Variants in PI4KA observed in about 807,000 individuals in gnomAD.
The protein encoded by PI4KA is PI4-kinase alpha.
A neutral mutation model predicts 271.4 loss-of-function variants in PI4KA; 122 were observed. The observed-to-expected ratio is 0.45, with a 90% confidence interval of 0.39 to 0.52. The LOEUF (loss-of-function observed/expected upper bound fraction) is 0.52. Among genes scored for constraint, PI4KA ranks in the 20% least tolerant of loss-of-function variants. PI4KA has a pLI of 0.00. For missense variants in PI4KA, 1,969 were observed against 2,769.1 expected (o/e 0.71, Z 6.48); for synonymous variants, 1,041 against 1,078.8 (o/e 0.96, Z 0.69).
At chr22:20,817,041 T>C (rs1351473204) in intron 7 of PI4KA, among the ~76,000 whole-genome samples, 1 of 152,062 alleles carries the variant, frequency 6.6e-6, no homozygotes, top group Non-Finnish European at 1.5e-5. Context: ...AAACAAGGAG[T>C]TGTCTCTAAG....
intron 19 of PI4KA, among the ~76,000 whole-genome samples, chr22:20,785,234 TAATTAA>T (rs545004863): frequency 1.8e-3 from 276 of 152,242 alleles, no homozygotes; most frequent in African/African-American, 6.6e-3. Flanking sequence ...CATGCCCAGC[TAATTAA>T]ACTTTTTTTG....
intron 45 of PI4KA, among the ~76,000 whole-genome samples, chr22:20,717,304 T>C (rs1339059921): frequency 2.0e-5 from 3 of 152,142 alleles, no homozygotes; most frequent in African/African-American, 4.8e-5. Context: ...CGACTTCCCA[T>C]GGAGGCGGTG....
In PI4KA at chr22:20,759,040, G is replaced by A. The variant is rs549989897; in HGVS notation, c.2791+2264C>T. ...TGAAGCAGTATCTCAGAGCCCCTGG[G>A]GCATTTTTTTGTTTGTTTGTTTTTT... On this transcript the variant is annotated intron_variant, in intron 23 of 54. Transcript: ENST00000255882. 3.3e-5 allele frequency among the ~76,000 whole-genome samples: 5 copies of A among 152,188 alleles called. No individual in the cohort carries two copies. In the East Asian group the frequency reaches 9.7e-4, roughly 29 times the overall value.
chr22:20,784,826 T>G lies in PI4KA; in HGVS notation c.2328+8367A>C, dbSNP rs1388855494. Among the ~76,000 whole-genome samples the G allele has an allele frequency of 1.3e-5, 2 of 152,168 alleles. 1 individual carries two copies. Among genetic ancestry groups the G allele is most frequent in the Non-Finnish European group, 2.9e-5 (2 of 68,028 alleles). Reference sequence around the variant, plus strand: ...GGCAGAAAGAATGGAGAGGTCTTATTTCTGTCTTACTGGATACTGGCTAGG... The same window carrying G: ...GGCAGAAAGAATGGAGAGGTCTTATGTCTGTCTTACTGGATACTGGCTAGG... On this transcript the variant is annotated intron_variant, in intron 19 of 54. Transcript: ENST00000255882.
rs201265057 is a variant in PI4KA at position 20,824,290 on chromosome 22, T to C, written c.456+36A>G. 2.7e-4 allele frequency: 359 copies of C among 1,312,360 alleles called. No individual in the cohort carries two copies. The African/African-American group carries it at 4.2e-3, about 15-fold the overall frequency. The allele number at this position is 1,312,360 out of a possible 1,614,324, so 81.3% of individuals were successfully genotyped here. On this transcript the variant is annotated intron_variant, in intron 4 of 54. Transcript: ENST00000255882. The stretch of plus-strand genomic sequence containing the variant: ...CACTTTGGGACTCTATTCAATCTAA[T>C]AGAAATGCATACCAAATCAACCAAC...
chr22:20,745,061 G>A (rs931264606), intron 29 of PI4KA, among the ~76,000 whole-genome samples: 2 of 152,196 alleles, frequency 1.3e-5, no homozygotes, highest in African/African-American at 2.4e-5. Flanking sequence ...AGAGTTGCGT[G>A]TGCAGCTTAT....
intron 1 of PI4KA, among the ~76,000 whole-genome samples, chr22:20,853,716 G>C (rs942130653): frequency 4.6e-5 from 7 of 152,086 alleles, no homozygotes; most frequent in Non-Finnish European, 1.0e-4. Context: ...GATGCTCAAG[G>C]GTCTTGGCTT....
chr22:20,824,514 C>T, intron 3 of PI4KA, 100 bp from the exon 4 acceptor site: 1 of 769,132 alleles, frequency 1.3e-6, no homozygotes, highest in East Asian at 2.7e-5. Flanking sequence ...CATGACCTGC[C>T]AAGGGACCAG....
intron 47 of PI4KA, among the ~76,000 whole-genome samples, chr22:20,714,162 G>A (rs895484455): frequency 1.8e-4 from 28 of 152,092 alleles, no homozygotes; most frequent in Middle Eastern, 3.4e-3. Flanking sequence ...TCGTCCGTAC[G>A]GTAGCCCTGG....
chr22:20,809,187 A>C (rs553363947), intron 9 of PI4KA, among the ~76,000 whole-genome samples: 2 of 152,212 alleles, frequency 1.3e-5, no homozygotes, highest in African/African-American at 4.8e-5. Flanking sequence ...TAAACTTTGG[A>C]GCCTTGGAGA....
At chr22:20,784,335 G>A in intron 19 of PI4KA, 1 of 1,560,926 alleles carries the variant, frequency 6.4e-7, no homozygotes, top group Non-Finnish European at 8.8e-7. Flanking sequence ...TTTAAAAAGG[G>A]AGAATTATGT....
chr22:20,809,225 G>T (rs1313296244), intron 9 of PI4KA, among the ~76,000 whole-genome samples: 2 of 152,130 alleles, frequency 1.3e-5, no homozygotes, highest in Non-Finnish European at 2.9e-5. Context: ...CCACAGCCCA[G>T]CTCCATCACT....
rs775801874 is a variant in PI4KA, at chr22:20,786,122, T to G, written c.2328+7071A>C. 7.4e-6 allele frequency: 12 copies of G among 1,613,982 alleles called. No individual in the cohort carries two copies. In the African/African-American group the frequency reaches 1.3e-4, roughly 18 times the overall value. ...CAAAAATGGCAACATGGCAGGCATC[T>G]CAGACCAAAGGATCGCCATCGACCT... On this transcript the variant is annotated intron_variant, in intron 19 of 54. Transcript: ENST00000255882.
At chr22:20,725,719 A>G in intron 42 of PI4KA, 1 of 284,790 alleles carries the variant, frequency 3.5e-6, no homozygotes, top group Non-Finnish European at 7.4e-6. Flanking sequence ...AACATAGCGA[A>G]ACTCCATCTC....
chr22:20,778,986 A>G (rs1477817642), intron 19 of PI4KA, among the ~76,000 whole-genome samples: 1 of 152,196 alleles, frequency 6.6e-6, no homozygotes, highest in African/African-American at 2.4e-5. Context: ...AGGTGTCTGG[A>G]GAAAAACAAA....
intron 18 of PI4KA, among the ~76,000 whole-genome samples, chr22:20,795,568 C>T (rs1934932155): frequency 6.6e-6 from 1 of 152,154 alleles, no homozygotes; most frequent in African/African-American, 2.4e-5. Context: ...ATTCAATTTC[C>T]TTAAAATTTT....
intron 22 of PI4KA, among the ~76,000 whole-genome samples, chr22:20,763,026 G>A (rs5751884): frequency 1.5e-5 from 1 of 68,492 alleles, no homozygotes; most frequent in Non-Finnish European, 2.5e-5. Context: ...TTGGGGGGGG[G>A]GGGGGTTAGA....
chr22:20,763,321 A>G (rs1200475036), intron 22 of PI4KA, among the ~76,000 whole-genome samples: 2 of 152,088 alleles, frequency 1.3e-5, no homozygotes, highest in African/African-American at 2.4e-5. Context: ...CATGTTGGTC[A>G]GACTGGTCTC....
intron 19 of PI4KA, among the ~76,000 whole-genome samples, chr22:20,776,898 C>T (rs572157768): frequency 6.6e-6 from 1 of 152,322 alleles, no homozygotes; most frequent in East Asian, 1.9e-4. Context: ...TTCAGGCCTA[C>T]TGAGTTCAAA....
Sources: gnomAD v4.1 joint callset for allele counts (sites outside exome capture counted in the v4.1 genomes callset) on GRCh38, gnomAD v4.1.1 for gene constraint, MANE v1.5 for transcripts, NCBI Gene and HGNC (gene_info 2026-07-23, HGNC 2026-07-21) for gene names.